Variants in MAGI1 observed in about 807,000 individuals in gnomAD.
MAGI1 encodes the protein membrane-associated guanylate kinase, WW and PDZ domain-containing protein 1.
In MAGI1, 58 loss-of-function variants were observed where a neutral mutation model predicts 139.9. That is an observed-to-expected ratio of 0.41 (90% confidence interval 0.34 to 0.52). The LOEUF (loss-of-function observed/expected upper bound fraction) is 0.52. Ranked by LOEUF, MAGI1 falls within the 20% of genes least tolerant of loss-of-function variation. The pLI is 0.12. For missense variants in MAGI1, 1,874 were observed against 1,901.6 expected (o/e 0.99, Z 0.27); for synonymous variants, 812 against 737.9 (o/e 1.10, Z -1.63).
At chr3:65,862,939 C>G (rs2059602885) in intron 1 of MAGI1, among the ~76,000 whole-genome samples, 1 of 152,196 alleles carries the variant, frequency 6.6e-6, no homozygotes, top group Non-Finnish European at 1.5e-5. Context: ...TATGTTCCCA[C>G]TATCTACAGA....
intron 1 of MAGI1, among the ~76,000 whole-genome samples, chr3:65,652,321 C>A (rs1039288093): frequency 6.6e-6 from 1 of 152,054 alleles, no homozygotes; most frequent in African/African-American, 2.4e-5. Flanking sequence ...GGAGAGATAA[C>A]CTACAAAAAT....
chr3:65,736,469 A>G (rs976411380), intron 1 of MAGI1, among the ~76,000 whole-genome samples: 6 of 152,196 alleles, frequency 3.9e-5, no homozygotes, highest in African/African-American at 9.7e-5. Flanking sequence ...GAGTCCCACA[A>G]TATGCTGTCT....
chr3:65,761,331 G>A (rs896657911), intron 1 of MAGI1, among the ~76,000 whole-genome samples: 2 of 152,058 alleles, frequency 1.3e-5, no homozygotes, highest in African/African-American at 2.4e-5. Flanking sequence ...GAAGATTCTT[G>A]TCCTGCCCAA....
At chr3:65,994,724 T>C (rs1024431930) in intron 1 of MAGI1, among the ~76,000 whole-genome samples, 2 of 152,152 alleles carry the variant, frequency 1.3e-5, no homozygotes, top group African/African-American at 4.8e-5. Context: ...TCAAATTGCT[T>C]AGCTGGAATC....
chr3:65,634,480 G>C (rs535971745), intron 1 of MAGI1, among the ~76,000 whole-genome samples: 4 of 152,312 alleles, frequency 2.6e-5, no homozygotes, highest in South Asian at 4.1e-4. Flanking sequence ...AGCGAGGCTT[G>C]ATTAGTTCAG....
At chr3:65,978,509 C>G (rs1173608744) in intron 1 of MAGI1, among the ~76,000 whole-genome samples, 1 of 152,156 alleles carries the variant, frequency 6.6e-6, no homozygotes, top group Non-Finnish European at 1.5e-5. Flanking sequence ...CCTATCATAC[C>G]CCAAATACTT....
chr3:65,482,803 T>C (rs779319727), intron 3 of MAGI1, among the ~76,000 whole-genome samples: 1 of 152,248 alleles, frequency 6.6e-6, no homozygotes, highest in Non-Finnish European at 1.5e-5. Flanking sequence ...AGAAAGCTTC[T>C]AGTTAAGTCT....
At chr3:65,834,113 A>G (rs753138150) in intron 1 of MAGI1, among the ~76,000 whole-genome samples, 25 of 152,244 alleles carry the variant, frequency 1.6e-4, no homozygotes, top group Non-Finnish European at 2.5e-4. Context: ...ATAGATAAAC[A>G]ACAAAGGTAA....
At chr3:65,518,347 A>T (rs751347337) in intron 2 of MAGI1, among the ~76,000 whole-genome samples, 11 of 152,224 alleles carry the variant, frequency 7.2e-5, no homozygotes, top group Admixed American at 2.0e-4. Context: ...TATTAACATC[A>T]TAAGAATTAG....
intron 1 of MAGI1, among the ~76,000 whole-genome samples, chr3:65,793,952 G>T (rs2039954077): frequency 6.6e-6 from 1 of 152,164 alleles, no homozygotes. Flanking sequence ...ATTCTCAATT[G>T]ATGACTAACC....
intron 1 of MAGI1, among the ~76,000 whole-genome samples, chr3:65,891,213 C>CA (rs1224604230): frequency 0.015 from 1,711 of 113,588 alleles, 18 homozygotes; most frequent in African/African-American, 0.027. Context: ...GAAAAACACA[C>CA]ACAAAAAAAA....
intron 10 of MAGI1, among the ~76,000 whole-genome samples, chr3:65,435,624 T>C (rs985394024): frequency 5.3e-5 from 8 of 152,176 alleles, no homozygotes; most frequent in Non-Finnish European, 1.0e-4. Context: ...TCATAGTCTC[T>C]TGCCTCCATG....
chr3:65,969,278 A>T (rs2064905045), intron 1 of MAGI1, among the ~76,000 whole-genome samples: 1 of 151,994 alleles, frequency 6.6e-6, no homozygotes. Flanking sequence ...ATCTGTAACC[A>T]TTTCACCGGG....
In MAGI1 at chr3:65,356,935, C is replaced by T. The variant is rs754398016; in HGVS notation, c.3832G>A (p.Glu1278Lys). Residue 1278 changes from glutamate to lysine, a missense_variant, in exon 23 of 23, where the codon GAA becomes AAA. This residue lies in a region of MAGI1 where 653 missense variants were observed against 644.5 expected (regional missense o/e 1.01). Transcript: ENST00000402939. The stretch of plus-strand genomic sequence containing the variant: ...GAAGTCCCATTCCAGGTGTGGTGTT[C>T]ATTGGGTTGTCTGCTATACTCTCTG... Reference protein sequence around the residue: ...GSREYSRQPNEHHTWNGTSRK... With the variant: ...GSREYSRQPNKHHTWNGTSRK... 3.1e-6 allele frequency: 5 copies of T among 1,614,044 alleles called. No individual in the cohort carries two copies. In the South Asian group the frequency reaches 4.4e-5, roughly 14 times the overall value.
At chr3:66,002,815 C>T (rs143140815) in intron 1 of MAGI1, among the ~76,000 whole-genome samples, 2 of 152,280 alleles carry the variant, frequency 1.3e-5, no homozygotes, top group Non-Finnish European at 2.9e-5. Flanking sequence ...TGCACCTGGC[C>T]TATTTTTCAA....
intron 1 of MAGI1, chr3:65,687,745 G>A: frequency 1.8e-6 from 1 of 550,880 alleles, no homozygotes; most frequent in Non-Finnish European, 3.7e-6. Context: ...GAGAGCACAG[G>A]ATCCTTCTGA....
chr3:65,943,659 A>G (rs532005304), intron 1 of MAGI1, among the ~76,000 whole-genome samples: 1 of 152,120 alleles, frequency 6.6e-6, no homozygotes, highest in East Asian at 1.9e-4. Context: ...GTGTGTGTAT[A>G]TATATATGTG....
Position 65,452,168 on chromosome 3 carries a change from C to G in MAGI1, c.1042+1090G>C, listed in dbSNP as rs72896336. Among the ~76,000 whole-genome samples, 845 of 151,974 alleles carry G rather than the reference C, an allele frequency of 5.6e-3. 7 individuals carry two copies. The highest frequency in any genetic ancestry group is 0.019 in the African/African-American group (793 of 41,440). On this transcript the variant is annotated intron_variant, in intron 6 of 22. Transcript: ENST00000402939. ...GATAAAACAAACATCTTGGTCATGC[C>G]TCCTAAGTTAGAAGGACTTTTGTTT...
At position 65,931,500 on chromosome 3, in the gene MAGI1, T is replaced by C. The variant is rs190721669; in HGVS notation, c.313+106496A>G. Among the ~76,000 whole-genome samples, 68 of 152,270 alleles carry C rather than the reference T, an allele frequency of 4.5e-4. 1 individual carries two copies. Among genetic ancestry groups the C allele is most frequent in the Middle Eastern group, 6.8e-3 (2 of 294 alleles). ...GGGCAACATGGCGAAGCCCTGTGTC[T>C]ATAAAAAATACAAAAATTAGCCAGG... On this transcript the variant is annotated intron_variant, in intron 1 of 22. Coordinates refer to ENST00000402939, the MANE Select transcript of MAGI1 (RefSeq NM_001033057.2).
Sources: allele counts gnomAD v4.1 joint callset (sites outside exome capture counted in the v4.1 genomes callset), GRCh38; gene constraint gnomAD v4.1.1; regional missense constraint gnomAD v4.1.1; transcripts MANE v1.5; gene names NCBI Gene and HGNC (gene_info 2026-07-23, HGNC 2026-07-21).